Variants in SPIDR observed in about 807,000 individuals in gnomAD.
The protein encoded by SPIDR is scaffold protein involved in DNA repair, also known as DNA repair-scaffolding protein.
In SPIDR, 93 loss-of-function variants were observed where a neutral mutation model predicts 104.6. The ratio of observed to expected loss-of-function variants is 0.89; its 90% CI spans 0.75 to 1.06. The LOEUF (loss-of-function observed/expected upper bound fraction) is 1.06, where lower values mean the gene tolerates loss of function less well. Among genes scored for constraint, SPIDR ranks in the 50% least tolerant of loss-of-function variants. SPIDR has a pLI of 0.00. For missense variants in SPIDR, 1,154 were observed against 1,111.2 expected (o/e 1.04, Z -0.55); for synonymous variants, 431 against 416.9 (o/e 1.03, Z -0.41).
At chr8:47,501,711 T>C (rs933537346) in intron 8 of SPIDR, among the ~76,000 whole-genome samples, 2 of 152,202 alleles carry the variant, frequency 1.3e-5, no homozygotes, top group African/African-American at 4.8e-5. Flanking sequence ...AGGGCATCCC[T>C]GTCTTGTGCG....
intron 5 of SPIDR, among the ~76,000 whole-genome samples, chr8:47,297,324 G>A (rs1017607758): frequency 6.6e-6 from 1 of 152,144 alleles, no homozygotes; most frequent in African/African-American, 2.4e-5. Flanking sequence ...TTTCCAGGGA[G>A]CATGGCAGCT....
intron 8 of SPIDR, among the ~76,000 whole-genome samples, chr8:47,452,706 G>A (rs1337385348): frequency 1.3e-5 from 2 of 152,260 alleles, no homozygotes; most frequent in South Asian, 4.1e-4. Context: ...TTGATGGGAC[G>A]TATCTCAAAA....
intron 8 of SPIDR, among the ~76,000 whole-genome samples, chr8:47,594,271 A>T (rs2061405341): frequency 7.1e-6 from 1 of 141,298 alleles, no homozygotes; most frequent in Non-Finnish European, 1.5e-5. Context: ...GCTATTTGGG[A>T]GGCTGAGGTG....
chr8:47,579,198 G>A (rs1313372490), intron 8 of SPIDR, among the ~76,000 whole-genome samples: 1 of 152,198 alleles, frequency 6.6e-6, no homozygotes, highest in African/African-American at 2.4e-5. Flanking sequence ...CATATTTCAT[G>A]CTGGTGTACT....
intron 10 of SPIDR, among the ~76,000 whole-genome samples, chr8:47,651,281 T>G (rs746448384): frequency 6.6e-6 from 1 of 152,074 alleles, no homozygotes; most frequent in Non-Finnish European, 1.5e-5. Flanking sequence ...CATCAAAAAG[T>G]AGGCAAATGA....
chr8:47,343,252 C>A (rs1554615168), intron 5 of SPIDR, among the ~76,000 whole-genome samples: 1 of 152,018 alleles, frequency 6.6e-6, no homozygotes, highest in African/African-American at 2.4e-5. Context: ...TTATCTGTAC[C>A]ATTTTTGACA....
rs1339701617 is a variant in SPIDR at position 47,618,585 on chromosome 8, T to C, written c.1544+19389T>C. ...AACAATTGTGTTATTTTCTCAGAAT[T>C]ACCTGGCAAGTAATTTATTACTATA... is the stretch of plus-strand genomic sequence containing the variant. On this transcript the variant is annotated intron_variant, in intron 10 of 19. Transcript: ENST00000297423. Among the ~76,000 whole-genome samples the C allele has an allele frequency of 2.6e-5, 4 of 152,234 alleles. No individual in the cohort carries two copies. In the East Asian group the frequency reaches 5.8e-4, roughly 22 times the overall value.
At chr8:47,375,132 A>G (rs1454925600) in intron 5 of SPIDR, among the ~76,000 whole-genome samples, 1 of 151,338 alleles carries the variant, frequency 6.6e-6, no homozygotes, top group Non-Finnish European at 1.5e-5. Flanking sequence ...GTTGATGGAC[A>G]GTTTTCAAGG....
At chr8:47,647,959 G>C (rs1189409577) in intron 10 of SPIDR, among the ~76,000 whole-genome samples, 1 of 152,202 alleles carries the variant, frequency 6.6e-6, no homozygotes, top group Admixed American at 6.5e-5. Context: ...GAAGGTCAGA[G>C]AGGTAGAAAG....
At chr8:47,712,467 T>C (rs2082018534) in intron 14 of SPIDR, among the ~76,000 whole-genome samples, 195 bp from the exon 15 acceptor site, 1 of 152,208 alleles carries the variant, frequency 6.6e-6, no homozygotes, top group African/African-American at 2.4e-5. Flanking sequence ...CAAGGAAGCC[T>C]TTAACCAGGT....
intron 8 of SPIDR, among the ~76,000 whole-genome samples, chr8:47,482,116 T>TC (rs1359453825): frequency 2.0e-5 from 3 of 152,212 alleles, no homozygotes; most frequent in Non-Finnish European, 1.5e-5. Flanking sequence ...AGTACGTACT[T>TC]CCCTTCTGTT....
intron 8 of SPIDR, among the ~76,000 whole-genome samples, chr8:47,557,889 A>G (rs1351611789): frequency 6.6e-6 from 1 of 152,218 alleles, no homozygotes; most frequent in Non-Finnish European, 1.5e-5. Context: ...AATAGCAGCG[A>G]CCTGGAATCA....
chr8:47,661,084 G>A, intron 10 of SPIDR: 2 of 429,542 alleles, frequency 4.7e-6, no homozygotes, highest in East Asian at 1.6e-4. Flanking sequence ...AGTCATGAAA[G>A]TGGGGGTTAT....
At chr8:47,585,432 T>G (rs2060161035) in intron 8 of SPIDR, among the ~76,000 whole-genome samples, 1 of 152,200 alleles carries the variant, frequency 6.6e-6, no homozygotes. Flanking sequence ...TTTTATTAAA[T>G]TTTTTATTTT....
intron 5 of SPIDR, among the ~76,000 whole-genome samples, chr8:47,373,284 A>G (rs1222115662): frequency 9.9e-5 from 15 of 152,210 alleles, no homozygotes; most frequent in Admixed American, 9.2e-4. Flanking sequence ...AAAGAATTAG[A>G]GACTATCATT....
intron 11 of SPIDR, chr8:47,697,987 G>C (rs2079599659): frequency 6.6e-6 from 1 of 152,122 alleles, no homozygotes; most frequent in Admixed American, 6.6e-5. Flanking sequence ...CAAACTTGTT[G>C]TCACAGATTA....
intron 5 of SPIDR, among the ~76,000 whole-genome samples, chr8:47,320,999 C>T (rs1471974790): frequency 2.0e-5 from 3 of 151,854 alleles, no homozygotes; most frequent in African/African-American, 7.3e-5. Context: ...TCATAATGGG[C>T]AAAAACTGGA....
At chr8:47,608,509 G>A (rs1417905580) in intron 10 of SPIDR, among the ~76,000 whole-genome samples, 1 of 152,144 alleles carries the variant, frequency 6.6e-6, no homozygotes, top group African/African-American at 2.4e-5. Flanking sequence ...GATTTTCTGA[G>A]GGACTGCCAC....
chr8:47,272,610 C>T (rs2035558890), intron 1 of SPIDR, among the ~76,000 whole-genome samples: 1 of 152,120 alleles, frequency 6.6e-6, no homozygotes, highest in Non-Finnish European at 1.5e-5. Flanking sequence ...TCATTTCCTC[C>T]TTGGGCAGCG....
Sources: gnomAD v4.1 joint callset for allele counts (sites outside exome capture counted in the v4.1 genomes callset) on GRCh38, gnomAD v4.1.1 for gene constraint, MANE v1.5 for transcripts, NCBI Gene and HGNC (gene_info 2026-07-23, HGNC 2026-07-21) for gene names.